Variants in CDK13 observed in about 807,000 individuals in gnomAD.
CDK13 encodes cyclin-dependent kinase 13.
A neutral mutation model predicts 137.6 loss-of-function variants in CDK13; 40 were observed. The ratio of observed to expected loss-of-function variants is 0.29; its 90% CI spans 0.23 to 0.38. CDK13 has a LOEUF of 0.38. CDK13 is among the 10% of genes least tolerant of loss of function. CDK13 has a pLI of 1.00. For synonymous variants in CDK13, 869 were observed against 760.1 expected (o/e 1.14, Z -2.36); for missense variants, 1,704 against 1,951.8 (o/e 0.87, Z 2.39).
intron 12 of CDK13, among the ~76,000 whole-genome samples, chr7:40,091,957 C>T (rs538019243): frequency 7.2e-5 from 11 of 152,096 alleles, no homozygotes; most frequent in East Asian, 3.9e-4. Flanking sequence ...GATAAGCTTG[C>T]GTGAGGGAGG....
chr7:40,006,983 G>T (rs1784807600), intron 5 of CDK13, among the ~76,000 whole-genome samples: 1 of 152,048 alleles, frequency 6.6e-6, no homozygotes, highest in Non-Finnish European at 1.5e-5. Flanking sequence ...TACTAACTCT[G>T]CATAGTAACA....
chr7:40,065,649 C>A (rs1337460413), intron 9 of CDK13, among the ~76,000 whole-genome samples: 2 of 152,018 alleles, frequency 1.3e-5, no homozygotes, highest in African/African-American at 4.8e-5. Flanking sequence ...GGCTAATAAC[C>A]CTGTGCTTAG....
At chr7:40,061,966 A>G (rs1786158043) in intron 7 of CDK13, 1 of 152,192 alleles carries the variant, frequency 6.6e-6, no homozygotes, top group African/African-American at 2.4e-5. Flanking sequence ...ATGTATTGCT[A>G]CTTTGCAGAG....
intron 7 of CDK13, among the ~76,000 whole-genome samples, chr7:40,054,282 C>T (rs911159933): frequency 6.6e-6 from 1 of 152,094 alleles, no homozygotes; most frequent in East Asian, 1.9e-4. Flanking sequence ...TTTGAATCTC[C>T]CTTTGTCATA....
At chr7:40,083,060 G>A (rs1194050540) in intron 11 of CDK13, among the ~76,000 whole-genome samples, 2 of 147,714 alleles carry the variant, frequency 1.4e-5, no homozygotes, top group South Asian at 2.1e-4. Flanking sequence ...CCGAGATCGC[G>A]CCACTGCGCT....
chr7:40,030,233 ATGTG>A (rs58098442), intron 5 of CDK13, among the ~76,000 whole-genome samples: 3 of 144,042 alleles, frequency 2.1e-5, no homozygotes, highest in African/African-American at 2.5e-5. Flanking sequence ...ATATATATAT[ATGTG>A]TGTGTGTGTG....
At position 40,088,203 on chromosome 7, in the gene CDK13, A is replaced by T. The variant is rs573362438; in HGVS notation, c.3107A>T (p.Asp1036Val). The change falls in exon 12 of 14, where the codon GAT becomes GTT. Residue 1036 changes from aspartate (D) to valine (V), a missense_variant. This residue lies in a region of CDK13 where 475 missense variants were observed against 579.3 expected (regional missense o/e 0.82). Transcript: ENST00000181839. The stretch of plus-strand genomic sequence containing the variant: ...CAGAAGCAGATGGGCATGACTGATG[A>T]TGTTTCCACAATTAAAGCCCCCAGG... ...RRQKQMGMTD[D>V]VSTIKAPRKD... 6.2e-7 allele frequency: 1 copy of T among 1,613,886 alleles called. No individual in the cohort carries two copies. Among genetic ancestry groups the T allele is most frequent in the African/African-American group, 1.3e-5 (1 of 74,896 alleles).
intron 5 of CDK13, among the ~76,000 whole-genome samples, chr7:40,044,785 C>T (rs1785698852): frequency 6.6e-6 from 1 of 152,108 alleles, no homozygotes. Flanking sequence ...TACAGGCATC[C>T]ACCACCATGC....
Position 40,092,916 on chromosome 7 carries a change from C to CT in CDK13, c.3367_3368insT (p.Gln1123LeufsTer6), listed in dbSNP as rs779267830. 1.9e-6 allele frequency: 3 copies of CT among 1,614,098 alleles called. No homozygotes were observed. Among genetic ancestry groups the CT allele is most frequent in the Non-Finnish European group, 2.5e-6 (3 of 1,180,008 alleles). Reference sequence around the variant, plus strand: ...GAACATTAAGGTAAACTCTGAGACTCAACAGCAGCTAAATAAAATAAACCT... The same window carrying CT: ...GAACATTAAGGTAAACTCTGAGACTCTAACAGCAGCTAAATAAAATAAACCT... On this transcript the variant is annotated frameshift_variant, in exon 13 of 14. Coordinates refer to ENST00000181839, the MANE Select transcript of CDK13 (RefSeq NM_003718.5). LOFTEE classifies it high-confidence loss of function.
rs2116066747 is a variant in CDK13 at position 39,951,536 on chromosome 7, G to A, written c.895G>A (p.Ala299Thr). 1 of 1,536,974 alleles carries A rather than the reference G, an allele frequency of 6.5e-7. No homozygotes were observed. Among genetic ancestry groups the A allele is most frequent in the Admixed American group, 2.1e-5 (1 of 48,528 alleles). Residue 299 changes from alanine to threonine, a missense_variant, in exon 1 of 14, where the codon GCC becomes ACC. Around this residue, in one of 5 missense-constraint regions of CDK13, gnomAD observed 1,051 missense variants for 931.0 expected, o/e 1.13. Transcript: ENST00000181839. ...TTCGGCCTACAAGGAACCGCCCAAG[G>A]CCTACCGGGAGGACAAGACCGAGCC... ...PPSAYKEPPK[A>T]YREDKTEPKA... is the part of the protein sequence containing the mutation.
At position 39,951,494 on chromosome 7, in the gene CDK13, TCGTCCAAGGAGC is replaced by T. The variant is rs1562692692; in HGVS notation, c.856_867del (p.Ser286_Pro289del). On this transcript the variant is annotated inframe_deletion, in exon 1 of 14. Transcript: ENST00000181839. ...GAAGGCCCACCGCAGCCGGACTAAG[TCGTCCAAGGAGC>T]CGCCTTCGGCCTACAAGGAACCGCC... 1.3e-6 allele frequency: 2 copies of T among 1,536,916 alleles called. No homozygotes were observed. Among genetic ancestry groups the T allele is most frequent in the Admixed American group, 4.1e-5 (2 of 48,668 alleles).
At chr7:39,954,822 T>C (rs1330571187) in intron 1 of CDK13, among the ~76,000 whole-genome samples, 3 of 152,340 alleles carry the variant, frequency 2.0e-5, no homozygotes, top group Non-Finnish European at 4.4e-5. Flanking sequence ...TTTCACCATG[T>C]TGCCCAGGCT....
Position 40,096,132 on chromosome 7 carries a change from AG to A in CDK13, c.*1156del, listed in dbSNP as rs1217169371. On this transcript the variant is annotated 3_prime_UTR_variant, in exon 14 of 14. Transcript: ENST00000181839. Reference sequence around the variant, plus strand: ...CTAAATGTGTTAAAGTTCATGGGGGAGGGGTGGCAAATACCGTATTTTAAGT... The same window carrying A: ...CTAAATGTGTTAAAGTTCATGGGGGAGGGTGGCAAATACCGTATTTTAAGT... The A allele has an allele frequency of 3.9e-5, 6 of 152,042 alleles. No individual in the cohort carries two copies. The East Asian group carries it at 1.2e-3, about 29-fold the overall frequency. The allele number at this position is 152,042 out of a possible 1,614,324, so 9.4% of individuals were successfully genotyped here. A position where few individuals can be genotyped will look rare whatever the true frequency, so the allele number is the denominator to read the frequency against.
At chr7:39,969,804 A>G (rs547669354) in intron 1 of CDK13, among the ~76,000 whole-genome samples, 10 of 151,760 alleles carry the variant, frequency 6.6e-5, no homozygotes, top group Admixed American at 3.9e-4. Flanking sequence ...TGCCCTTCCT[A>G]TTTTTTGCTA....
chr7:40,044,272 A>G (rs944817586), intron 5 of CDK13, among the ~76,000 whole-genome samples: 1 of 149,808 alleles, frequency 6.7e-6, no homozygotes, highest in Non-Finnish European at 1.5e-5. Flanking sequence ...AGTCATTTAA[A>G]TTTTATTTTC....
At chr7:39,995,136 G>A (rs1256244138) in intron 2 of CDK13, among the ~76,000 whole-genome samples, 1 of 151,940 alleles carries the variant, frequency 6.6e-6, no homozygotes, top group African/African-American at 2.4e-5. Flanking sequence ...GTGTATAGAA[G>A]TGTTTTTAAA....
At chr7:40,084,206 C>T (rs56263245) in intron 11 of CDK13, among the ~76,000 whole-genome samples, 67 of 151,886 alleles carry the variant, frequency 4.4e-4, no homozygotes, top group Non-Finnish European at 6.2e-4. Flanking sequence ...TTAGGCCGGG[C>T]GCAGTGGCTC....
intron 5 of CDK13, among the ~76,000 whole-genome samples, chr7:40,030,031 T>C (rs973100503): frequency 6.6e-6 from 1 of 152,168 alleles, no homozygotes; most frequent in Admixed American, 6.5e-5. Context: ...TGTCTTTCAT[T>C]GCATCCCCTA....
At chr7:39,985,662 C>A (rs1583947037) in intron 1 of CDK13, 1 of 151,914 alleles carries the variant, frequency 6.6e-6, no homozygotes, top group Non-Finnish European at 1.5e-5. Flanking sequence ...AATGTGTTAA[C>A]CTGCCTACTT....
Sources: allele counts gnomAD v4.1 joint callset (sites outside exome capture counted in the v4.1 genomes callset), GRCh38; gene constraint gnomAD v4.1.1; regional missense constraint gnomAD v4.1.1; transcripts MANE v1.5; gene names NCBI Gene and HGNC (gene_info 2026-07-23, HGNC 2026-07-21).